IL17RC: variants seen among roughly 807,000 people sequenced by gnomAD.
IL17RC encodes interleukin 17 receptor C, also known as interleukin-17 receptor C.
A neutral mutation model predicts 86.7 loss-of-function variants in IL17RC; 53 were observed. The ratio of observed to expected loss-of-function variants is 0.61; its 90% CI spans 0.49 to 0.77. The LOEUF (loss-of-function observed/expected upper bound fraction) is 0.77. Among genes scored for constraint, IL17RC ranks in the 30% least tolerant of loss-of-function variants. The pLI, the probability that IL17RC is intolerant of heterozygous loss-of-function variation, is 0.00. For missense variants in IL17RC, 957 were observed against 940.0 expected (o/e 1.02, Z -0.24); for synonymous variants, 439 against 413.1 (o/e 1.06, Z -0.76).
At position 9,933,577 on chromosome 3, in the gene IL17RC, C is replaced by G. The variant is rs867817700; in HGVS notation, c.2147C>G (p.Ala716Gly). The change falls in exon 19 of 19, where the codon GCG (alanine) becomes GGG (glycine). Residue 716 changes from alanine (A) to glycine (G), a missense_variant. Transcript: ENST00000403601. ...GTGGGACCAGGCGCGGGACCTGGGGCGGGGGACGGGACTTAAATAAAGGCA... is the reference window on the plus strand; with the variant it reads ...GTGGGACCAGGCGCGGGACCTGGGGGGGGGGACGGGACTTAAATAAAGGCA... Reference protein sequence around the residue: ...RGVGPGAGPGAGDGT With the variant: ...RGVGPGAGPGGGDGT 1 of 1,597,562 alleles carries G rather than the reference C, an allele frequency of 6.3e-7. No individual in the cohort carries two copies.
chr3:9,924,237 A>C lies in IL17RC; in HGVS notation c.768A>C (p.Gly256=). Residue 256 remains glycine, a synonymous_variant, in exon 9 of 19, where the codon GGA becomes GGC. Coordinates refer to ENST00000403601, the MANE Select transcript of IL17RC (RefSeq NM_153460.4). ...TTCCTTTATTTGTTCCACAGACTGGACCGCAGATCATTACCTTGAACCACA... is the reference window on the plus strand; with the variant it reads ...TTCCTTTATTTGTTCCACAGACTGGCCCGCAGATCATTACCTTGAACCACA... ...PKPRWHKNLT[G]PQIITLNHTD... is the part of the protein sequence containing the mutation. The C allele has an allele frequency of 1.2e-6, 2 of 1,614,000 alleles. No homozygotes were observed. The highest frequency in any genetic ancestry group is 1.7e-6 in the Non-Finnish European group (2 of 1,179,986).
chr3:9,918,567 G>A lies in IL17RC; in HGVS notation c.423G>A (p.Glu141=), dbSNP rs762276089. 10 of 1,614,162 alleles carry A rather than the reference G, an allele frequency of 6.2e-6. No homozygotes were observed. The Admixed American group carries it at 1.7e-4, about 27-fold the overall frequency. ...CTACTGCCCGCTGCGTCCTGCTGGA[G>A]GTGCAAGTGCCTGCTGCCCTTGTGC... is the stretch of plus-strand genomic sequence containing the variant. ...AYPTARCVLL[E]VQVPAALVQF... Residue 141 remains glutamate, a synonymous_variant, in exon 5 of 19, where the codon GAG becomes GAA. Coordinates refer to ENST00000403601, the MANE Select transcript of IL17RC (RefSeq NM_153460.4).
chr3:9,919,912 T>C (rs1559293875), intron 5 of IL17RC, among the ~76,000 whole-genome samples: 1 of 151,950 alleles, frequency 6.6e-6, no homozygotes, highest in Non-Finnish European at 1.5e-5. Flanking sequence ...CATACCATGG[T>C]ATACTTACCA....
Position 9,928,565 on chromosome 3 carries a change from CCT to C in IL17RC, c.1060-10_1060-9del, listed in dbSNP as rs2084333430. On this transcript the variant is annotated splice_polypyrimidine_tract_variant and intron_variant, in intron 11 of 18. Transcript: ENST00000403601. Reference sequence around the variant, plus strand: ...GTCCCCTTTTGTGATCCCACCCATTCCTCTCTTTCCACAGAAGGTTCTCGAGT... The same window carrying C: ...GTCCCCTTTTGTGATCCCACCCATTCCTCTTTCCACAGAAGGTTCTCGAGT... 1 of 1,613,864 alleles carries C rather than the reference CCT, an allele frequency of 6.2e-7. No individual in the cohort carries two copies. The highest frequency in any genetic ancestry group is 1.1e-5 in the South Asian group (1 of 91,072).
chr3:9,928,059 C>T (rs2084260548), intron 9 of IL17RC, 107 bp from the exon 10 acceptor site: 2 of 1,046,566 alleles, frequency 1.9e-6, no homozygotes, highest in African/African-American at 1.6e-5. Context: ...GAAGACCCAG[C>T]AAGTGTTTGT....
Position 9,928,167 on chromosome 3 carries a change from T to A in IL17RC, c.824T>A (p.Val275Glu). 6.2e-7 allele frequency: 1 copy of A among 1,614,040 alleles called. No homozygotes were observed. Among genetic ancestry groups the A allele is most frequent in the Non-Finnish European group, 8.5e-7 (1 of 1,179,942 alleles). ...AGCAGACCCCCATTTCCTTTCCAGG[T>A]GTGGCCTCTGGAACCTGACTCCGTT... ...TDLVPCLCIQVWPLEPDSVRT... is the reference protein window; with the variant it reads ...TDLVPCLCIQEWPLEPDSVRT... The change falls in exon 10 of 19, where the codon GTG becomes GAG. Residue 275 changes from valine to glutamate, a missense_variant and splice_region_variant. By Grantham distance (121) the Val-to-Glu change is moderately radical. Coordinates refer to ENST00000403601, the MANE Select transcript of IL17RC (RefSeq NM_153460.4).
At chr3:9,924,337 G>A (rs1311327607) in intron 9 of IL17RC, 46 bp downstream of exon 9, 6 of 1,561,342 alleles carry the variant, frequency 3.8e-6, no homozygotes, top group Non-Finnish European at 5.3e-6. Context: ...GTGGGAAGAT[G>A]ATGATGGGGG....
intron 10 of IL17RC, 21 bp from the exon 11 acceptor site, chr3:9,928,284 G>A (rs1238561698): frequency 9.9e-6 from 16 of 1,611,976 alleles, no homozygotes; most frequent in Non-Finnish European, 1.2e-5. Flanking sequence ...GGCCTGCGGT[G>A]ACTGTGCCCT....
chr3:9,917,918 C>G lies in IL17RC; in HGVS notation c.128-5C>G. The G allele has an allele frequency of 1.2e-6, 2 of 1,613,286 alleles. No homozygotes were observed. Among genetic ancestry groups the G allele is most frequent in the Non-Finnish European group, 1.7e-6 (2 of 1,180,026 alleles). ...TTCAGCTCCCACCCGCTCCTCCACACACAGACAGTGACATACTCTGCCTGC... is the reference window on the plus strand; with the variant it reads ...TTCAGCTCCCACCCGCTCCTCCACAGACAGACAGTGACATACTCTGCCTGC... On this transcript the variant is annotated splice_polypyrimidine_tract_variant and splice_region_variant and intron_variant, in intron 2 of 18. Transcript: ENST00000403601.
chr3:9,917,852 T>C (rs2083225331), intron 2 of IL17RC, 71 bp from the exon 3 acceptor site: 7 of 1,609,922 alleles, frequency 4.3e-6, no homozygotes, highest in Non-Finnish European at 5.9e-6. Flanking sequence ...TTTGGCTCTC[T>C]GGGTATGTCA....
intron 9 of IL17RC, among the ~76,000 whole-genome samples, chr3:9,926,536 C>A (rs1352577926): frequency 6.6e-6 from 1 of 151,930 alleles, no homozygotes; most frequent in African/African-American, 2.4e-5. Flanking sequence ...GCAAGCAAAT[C>A]ATATCTAATT....
At chr3:9,923,447 G>A (rs2125190157) in intron 7 of IL17RC, among the ~76,000 whole-genome samples, 1 of 151,784 alleles carries the variant, frequency 6.6e-6, no homozygotes, top group East Asian at 2.0e-4. Flanking sequence ...CAGCTACTCG[G>A]GTGGCTGAGG....
chr3:9,933,350 G>A lies in IL17RC; in HGVS notation c.1920G>A (p.Pro640=), dbSNP rs1210484879. The part of the protein sequence containing the change: ...VGACFDRLLH[P]DAVPALFRTV... ...CCTGCTTCGACAGGCTGCTCCACCC[G>A]GACGCCGTACCCGCCCTTTTCCGCA... is the stretch of plus-strand genomic sequence containing the variant. The change falls in exon 19 of 19, where the codon CCG becomes CCA. Residue 640 remains proline (P), a synonymous_variant. Coordinates refer to ENST00000403601, the MANE Select transcript of IL17RC (RefSeq NM_153460.4). 6.2e-7 allele frequency: 1 copy of A among 1,611,038 alleles called. No homozygotes were observed. The highest frequency in any genetic ancestry group is 8.5e-7 in the Non-Finnish European group (1 of 1,178,958).
chr3:9,928,521 G>T, intron 11 of IL17RC, 35 bp downstream of exon 11: 1 of 1,613,770 alleles, frequency 6.2e-7, no homozygotes, highest in Non-Finnish European at 8.5e-7. Flanking sequence ...CGTGGTGAGG[G>T]GAGAGTGGGG....
At chr3:9,932,782 C>T in intron 17 of IL17RC, 38 bp from the exon 18 acceptor site, 1 of 1,584,158 alleles carries the variant, frequency 6.3e-7, no homozygotes, top group South Asian at 1.2e-5. Flanking sequence ...AAGCGGCGGC[C>T]GAGCTCACTG....
At chr3:9,932,471 C>T (rs1455143228) in intron 16 of IL17RC, 137 bp from the exon 17 acceptor site, 6 of 800,338 alleles carry the variant, frequency 7.5e-6, no homozygotes, top group Non-Finnish European at 1.3e-5. Context: ...CGTGATCTGC[C>T]CGCCTCGGCC....
rs370560855 is a variant in IL17RC, at chr3:9,932,882, G to A, written c.1522+24G>A. On this transcript the variant is annotated intron_variant, in intron 18 of 18. Coordinates refer to ENST00000403601, the MANE Select transcript of IL17RC (RefSeq NM_153460.4). ...GGGTGAGTGGGAGCAAGCGCTGGGCGGAGGGCCGCCCCCGGGGAGCCAGGC... is the reference window on the plus strand; with the variant it reads ...GGGTGAGTGGGAGCAAGCGCTGGGCAGAGGGCCGCCCCCGGGGAGCCAGGC... The A allele has an allele frequency of 2.5e-4, 394 of 1,590,752 alleles. 3 individuals carry two copies. The highest frequency in any genetic ancestry group is 1.6e-3 in the South Asian group (139 of 87,692).
In IL17RC at chr3:9,930,953, G is replaced by T. The variant is rs1375781131; in HGVS notation, c.1387+10G>T. On this transcript the variant is annotated intron_variant, in intron 16 of 18. Coordinates refer to ENST00000403601, the MANE Select transcript of IL17RC (RefSeq NM_153460.4). This position sits in a 1 kb window ranked among gnomAD's most constrained non-coding sequence, Gnocchi z 5.8. ...TGCCCCATGGACAAATGTGAGTATT[G>T]TAAGAACTGCCTTTCCTTTCTGTAC... is the stretch of plus-strand genomic sequence containing the variant. The T allele has an allele frequency of 6.8e-6, 11 of 1,611,710 alleles. No individual in the cohort carries two copies. Among genetic ancestry groups the T allele is most frequent in the Admixed American group, 1.7e-5 (1 of 59,994 alleles).
At chr3:9,927,753 C>G (rs970138653) in intron 9 of IL17RC, among the ~76,000 whole-genome samples, 13 of 152,112 alleles carry the variant, frequency 8.5e-5, no homozygotes, top group Admixed American at 3.3e-4. Flanking sequence ...CCAGCCTGAT[C>G]AATGTGGTGA....
Sources: allele counts gnomAD v4.1 joint callset (sites outside exome capture counted in the v4.1 genomes callset), GRCh38; gene constraint gnomAD v4.1.1; non-coding constraint Gnocchi (gnomAD v3.1); transcripts MANE v1.5; gene names NCBI Gene and HGNC (gene_info 2026-07-23, HGNC 2026-07-21).